Variants in SYPL2 observed in about 807,000 individuals in gnomAD.
The protein encoded by SYPL2 is synaptophysin-like protein 2.
In SYPL2, 24 loss-of-function variants were observed where a neutral mutation model predicts 31.3. That is an observed-to-expected ratio of 0.77 (90% CI 0.56 to 1.08). The LOEUF (loss-of-function observed/expected upper bound fraction) is 1.08, where lower values mean the gene tolerates loss of function less well. Among genes scored for constraint, SYPL2 ranks in the 50% least tolerant of loss-of-function variants. The pLI, the probability that SYPL2 is intolerant of heterozygous loss-of-function variation, is 0.00. For missense variants in SYPL2, 342 were observed against 360.1 expected, an observed-to-expected ratio of 0.95 and a Z score of 0.41; for synonymous variants, 144 against 143.1, an observed-to-expected ratio of 1.01 and a Z score of -0.05.
chr1:109,477,190 A>G (rs1395661835), intron 4 of SYPL2, among the ~76,000 whole-genome samples: 1 of 152,140 alleles, frequency 6.6e-6, no homozygotes. Flanking sequence ...CTGGGTTCAG[A>G]TCCCAGCATG....
intron 2 of SYPL2, among the ~76,000 whole-genome samples, chr1:109,473,927 G>A (rs1346902957): frequency 6.6e-6 from 1 of 151,576 alleles, no homozygotes; most frequent in Non-Finnish European, 1.5e-5. Context: ...AACAGACTCA[G>A]AGAGCAGAGT....
In SYPL2 at chr1:109,478,094, G is replaced by A; in HGVS notation, c.648+85G>A. 1.9e-6 allele frequency: 3 copies of A among 1,539,932 alleles called. No homozygotes were observed. Among genetic ancestry groups the A allele is most frequent in the Non-Finnish European group, 2.6e-6 (3 of 1,144,214 alleles). On this transcript the variant is annotated intron_variant, in intron 5 of 5. Coordinates refer to ENST00000369872, the MANE Select transcript of SYPL2 (RefSeq NM_001040709.2). The surrounding 1 kb of genome is among the most constrained non-coding windows in gnomAD (Gnocchi z 4.0). ...CTAGCAGGTCCTGAAAGGAAAGAGA[G>A]GGTGTCCCAGAGCTGGTGTCCCCTG...
chr1:109,468,488 G>T (rs942729540), intron 2 of SYPL2, among the ~76,000 whole-genome samples: 5 of 152,198 alleles, frequency 3.3e-5, no homozygotes, highest in African/African-American at 1.2e-4. Context: ...CCTCAAGAGT[G>T]GTTAGACCAA....
chr1:109,476,906 A>G lies in SYPL2; in HGVS notation c.385A>G (p.Thr129Ala). ...CCTTGGCATCTTTTCCTTCTTCTAT[A>G]CCATGGCTGCCCTAGTTATCTACCT... ...VTLGIFSFFY[T>A]MAALVIYLRF... Residue 129 changes from threonine to alanine, a missense_variant, in exon 4 of 6, where the codon ACC becomes GCC. Thr to Ala is a moderately conservative substitution (Grantham distance 58). Coordinates refer to ENST00000369872, the MANE Select transcript of SYPL2 (RefSeq NM_001040709.2). The G allele has an allele frequency of 2.5e-6, 4 of 1,614,202 alleles. No individual in the cohort carries two copies. The highest frequency in any genetic ancestry group is 3.4e-6 in the Non-Finnish European group (4 of 1,180,042).
rs114939726 is a variant in SYPL2, at chr1:109,478,325, C to T, written c.648+316C>T. 3.9e-3 allele frequency among the ~76,000 whole-genome samples: 597 copies of T among 152,334 alleles called. 4 individuals carry two copies. The highest frequency in any genetic ancestry group is 0.024 in the South Asian group (115 of 4,832). ...GTCTCCCCTCCTCCTGCCTGTTCTA[C>T]ACAATGTGTGTGAACACATAAAGGG... On this transcript the variant is annotated intron_variant, in intron 5 of 5. Coordinates refer to ENST00000369872, the MANE Select transcript of SYPL2 (RefSeq NM_001040709.2). This position sits in a 1 kb window ranked among gnomAD's most constrained non-coding sequence, Gnocchi z 4.0.
Position 109,479,707 on chromosome 1 carries a change from G to A in SYPL2, c.*159G>A. 8.4e-7 allele frequency: 1 copy of A among 1,184,052 alleles called. No individual in the cohort carries two copies. The highest frequency in any genetic ancestry group is 1.2e-6 in the Non-Finnish European group (1 of 859,398). The allele number at this position is 1,184,052 out of a possible 1,614,324, so 73.3% of individuals were successfully genotyped here. On this transcript the variant is annotated 3_prime_UTR_variant, in exon 6 of 6. Coordinates refer to ENST00000369872, the MANE Select transcript of SYPL2 (RefSeq NM_001040709.2). ...CAGGCATCAGCTGTTGGAAACCTGG[G>A]CAGCCCTCTCAGTGGCTTCCTATCC...
Position 109,479,404 on chromosome 1 carries a change from G to T in SYPL2, c.675G>T (p.Leu225=), listed in dbSNP as rs766233244. 3.1e-6 allele frequency: 5 copies of T among 1,613,692 alleles called. No individual in the cohort carries two copies. The highest frequency in any genetic ancestry group is 4.2e-6 in the Non-Finnish European group (5 of 1,180,000). Residue 225 remains leucine, a synonymous_variant, in exon 6 of 6, where the codon CTG becomes CTT. Coordinates refer to ENST00000369872, the MANE Select transcript of SYPL2 (RefSeq NM_001040709.2). ...SVLFGFINFF[L]WAGNCWFVFK... ...TCTTTGGCTTTATCAACTTCTTCCT[G>T]TGGGCCGGGAACTGTTGGTTTGTGT...
At chr1:109,467,016 G>A (rs1212557781) in intron 1 of SYPL2, 43 bp from the exon 2 acceptor site, 11 of 1,500,048 alleles carry the variant, frequency 7.3e-6, no homozygotes, top group Admixed American at 4.5e-5. Flanking sequence ...CCTTCCCAGG[G>A]TTCCCCACCG....
Position 109,481,322 on chromosome 1 carries a change from C to T in SYPL2, c.*1774C>T, listed in dbSNP as rs1171995494. Reference sequence around the variant, plus strand: ...AGATGGGGTGAGAGGGTTTTTAAGTCTGAAACTCTCTGTCATGAGCTGTCC... The same window carrying T: ...AGATGGGGTGAGAGGGTTTTTAAGTTTGAAACTCTCTGTCATGAGCTGTCC... On this transcript the variant is annotated 3_prime_UTR_variant, in exon 6 of 6. Transcript: ENST00000369872. 1 of 152,574 alleles carries T rather than the reference C, an allele frequency of 6.6e-6. No homozygotes were observed. Among genetic ancestry groups the T allele is most frequent in the Non-Finnish European group, 1.5e-5 (1 of 68,044 alleles). 9.5% of individuals were successfully genotyped at this position (152,574 alleles called of 1,614,324 possible).
chr1:109,467,069 T>C lies in SYPL2; in HGVS notation c.65T>C (p.Leu22Pro). ...GCTGTGTCTCCGCAGGTGGACCGCC[T>C]ACTCGTGGGGCTGCGCTGGCGGCGG... The part of the protein sequence containing the change: ...DKSPRQQVDR[L>P]LVGLRWRRLE... The change falls in exon 2 of 6, where the codon CTA (leucine) becomes CCA (proline). Residue 22 changes from leucine to proline, a missense_variant. Leu to Pro is a moderately conservative substitution (Grantham distance 98). Coordinates refer to ENST00000369872, the MANE Select transcript of SYPL2 (RefSeq NM_001040709.2). 1 of 1,545,372 alleles carries C rather than the reference T, an allele frequency of 6.5e-7. No individual in the cohort carries two copies.
intron 2 of SYPL2, among the ~76,000 whole-genome samples, chr1:109,470,490 A>G (rs1144595): frequency 0.8 from 121,733 of 152,144 alleles, 48,933 homozygotes; most frequent in East Asian, 0.96. Flanking sequence ...TGCAGAAGCA[A>G]GAGGAGGCGG....
chr1:109,467,150 G>A lies in SYPL2; in HGVS notation c.129+17G>A. 1 of 1,536,464 alleles carries A rather than the reference G, an allele frequency of 6.5e-7. No homozygotes were observed. The highest frequency in any genetic ancestry group is 2.5e-5 in the East Asian group (1 of 40,470). ...CTCCAGTGGGTGAGTCGCTGCCCCG[G>A]CCCCGGGCTATTTCGGGAGCCTGGG... On this transcript the variant is annotated intron_variant, in intron 2 of 5. Transcript: ENST00000369872.
At chr1:109,475,476 C>G (rs1169053542) in intron 2 of SYPL2, 105 bp from the exon 3 acceptor site, 1 of 1,451,982 alleles carries the variant, frequency 6.9e-7, no homozygotes, top group Non-Finnish European at 9.3e-7. Context: ...CTCACTCTCC[C>G]CCACTCCCGC....
chr1:109,475,661 C>G lies in SYPL2; in HGVS notation c.210C>G (p.Ala70=), dbSNP rs1655976846. 6.2e-7 allele frequency: 1 copy of G among 1,614,044 alleles called. No individual in the cohort carries two copies. Among genetic ancestry groups the G allele is most frequent in the African/African-American group, 1.3e-5 (1 of 74,926 alleles). The change falls in exon 3 of 6, where the codon GCC becomes GCG. Residue 70 remains alanine (A), a synonymous_variant. Transcript: ENST00000369872. ...CAATGGTTCGCTGCAACAACGAAGC[C>G]AAGGACGTGAGCTCCATCATCGTTG... The part of the protein sequence containing the change: ...TGAMVRCNNE[A]KDVSSIIVAF...
In SYPL2 at chr1:109,478,477, T is replaced by C. The variant is rs887495353; in HGVS notation, c.648+468T>C. Among the ~76,000 whole-genome samples the C allele has an allele frequency of 1.3e-5, 2 of 152,226 alleles. No homozygotes were observed. The highest frequency in any genetic ancestry group is 2.4e-5 in the African/African-American group (1 of 41,466). ...AGCAGTAGTGGGTCTGCTGGATGCA[T>C]ATGGATTTGGCCATCCCAGTTGTTA... On this transcript the variant is annotated intron_variant, in intron 5 of 5. Transcript: ENST00000369872. The surrounding 1 kb of genome is among the most constrained non-coding windows in gnomAD (Gnocchi z 4.0).
rs573184826 is a variant in SYPL2, at chr1:109,470,040, G to C, written c.129+2907G>C. Among the ~76,000 whole-genome samples the C allele has an allele frequency of 2.6e-5, 4 of 151,868 alleles. No individual in the cohort carries two copies. The South Asian group carries it at 8.3e-4, about 32-fold the overall frequency. ...GACTGGCTCTATCGCTGAGGCTGGA[G>C]TGCAGTGGTACGAACACATCTCACT... is the stretch of plus-strand genomic sequence containing the variant. On this transcript the variant is annotated intron_variant, in intron 2 of 5. Transcript: ENST00000369872.
At chr1:109,475,437 A>G (rs990214064) in intron 2 of SYPL2, 144 bp from the exon 3 acceptor site, 10 of 1,139,378 alleles carry the variant, frequency 8.8e-6, no homozygotes, top group African/African-American at 1.6e-5. Flanking sequence ...ATGGGTTTCT[A>G]CCTAGGAAGA....
chr1:109,471,614 CAT>C (rs1655835962), intron 2 of SYPL2, among the ~76,000 whole-genome samples: 1 of 151,942 alleles, frequency 6.6e-6, no homozygotes, highest in African/African-American at 2.4e-5. Context: ...GGCATTTTGC[CAT>C]GTTGGCCAGG....
chr1:109,469,374 T>C lies in SYPL2; in HGVS notation c.129+2241T>C, dbSNP rs533120847. Among the ~76,000 whole-genome samples the C allele has an allele frequency of 4.6e-5, 7 of 152,086 alleles. No homozygotes were observed. In the South Asian group the frequency reaches 1.2e-3, roughly 27 times the overall value. ...TTGTCAGGAGCTTATCTTAGAGTTT[T>C]TTTTTTTTTAATTGAGAAATCAACT... On this transcript the variant is annotated intron_variant, in intron 2 of 5. Transcript: ENST00000369872.
Sources: allele counts gnomAD v4.1 joint callset (sites outside exome capture counted in the v4.1 genomes callset), GRCh38; gene constraint gnomAD v4.1.1; non-coding constraint Gnocchi (gnomAD v3.1); transcripts MANE v1.5; gene names NCBI Gene and HGNC (gene_info 2026-07-23, HGNC 2026-07-21).